Variants in FILIP1 observed in about 807,000 individuals in gnomAD.
The protein encoded by FILIP1 is filamin A interacting protein 1, also known as filamin-A-interacting protein 1.
A neutral mutation model predicts 102.1 loss-of-function variants in FILIP1; 61 were observed. The ratio of observed to expected loss-of-function variants is 0.60; its 90% CI spans 0.49 to 0.74. The LOEUF (loss-of-function observed/expected upper bound fraction) is 0.74, where lower values mean the gene tolerates loss of function less well. Among genes scored for constraint, FILIP1 ranks in the 30% least tolerant of loss-of-function variants. The pLI is 0.00. For missense variants in FILIP1, 1,314 were observed against 1,441.2 expected, an observed-to-expected ratio of 0.91 and a Z score of 1.43; for synonymous variants, 491 against 526.9, an observed-to-expected ratio of 0.93 and a Z score of 0.93.
At chr6:75,356,291 C>T (rs1167086791) in intron 3 of FILIP1, among the ~76,000 whole-genome samples, 1 of 152,024 alleles carries the variant, frequency 6.6e-6, no homozygotes, top group African/African-American at 2.4e-5. Context: ...ATTCCTGGGG[C>T]CCAAAATAAA....
rs141094145 is a variant in FILIP1, at chr6:75,434,390, G to A, written c.-6-19412C>T. ...TGAGCACTGGTTTGTAGTTCTCCTCGAAGAGGTCCTTCACATCCCTTGTAA... is the reference window on the plus strand; with the variant it reads ...TGAGCACTGGTTTGTAGTTCTCCTCAAAGAGGTCCTTCACATCCCTTGTAA... On this transcript the variant is annotated intron_variant, in intron 1 of 5. Transcript: ENST00000237172. Among the ~76,000 whole-genome samples the A allele has an allele frequency of 8.3e-3, 1,259 of 152,198 alleles. 21 individuals are homozygous for A. Among genetic ancestry groups the A allele is most frequent in the African/African-American group, 0.028 (1,178 of 41,522 alleles).
At chr6:75,389,430 T>A (rs971429495) in intron 2 of FILIP1, among the ~76,000 whole-genome samples, 1 of 152,176 alleles carries the variant, frequency 6.6e-6, no homozygotes, top group Non-Finnish European at 1.5e-5. Context: ...TTGATTGGAA[T>A]GGTTTCAGAA....
rs1183362639 is a variant in FILIP1 at position 75,361,570 on chromosome 6, T to C, written c.450+1174A>G. ...TAAGGGTATGAGCAGTTATCATTTTTGAATCCCAGCAAATTCTAATAACTA... is the reference window on the plus strand; with the variant it reads ...TAAGGGTATGAGCAGTTATCATTTTCGAATCCCAGCAAATTCTAATAACTA... On this transcript the variant is annotated intron_variant, in intron 3 of 5. Coordinates refer to ENST00000237172, the MANE Select transcript of FILIP1 (RefSeq NM_015687.5). Among the ~76,000 whole-genome samples the C allele has an allele frequency of 5.9e-5, 9 of 152,364 alleles. No individual in the cohort carries two copies. In the East Asian group the frequency reaches 1.7e-3, roughly 29 times the overall value.
intron 4 of FILIP1, among the ~76,000 whole-genome samples, chr6:75,323,842 C>G (rs545798303): frequency 2.4e-5 from 2 of 82,552 alleles, no homozygotes; most frequent in East Asian, 2.5e-4. Flanking sequence ...TGGTTCCCCC[C>G]ACGCTGTTAT....
intron 2 of FILIP1, chr6:75,398,057 A>C (rs1036065561): frequency 2.6e-5 from 4 of 152,200 alleles, no homozygotes; most frequent in African/African-American, 9.6e-5. Context: ...GTTGAAGCAC[A>C]AGACTATATC....
chr6:75,292,007 G>T (rs1026489564), exon 7 of FILIP1: 4 of 152,040 alleles, frequency 2.6e-5, no homozygotes, highest in Non-Finnish European at 5.9e-5. Context: ...TGTTTTCATT[G>T]GTTAAATAAT....
At chr6:75,474,978 C>G (rs1468444223) in intron 1 of FILIP1, among the ~76,000 whole-genome samples, 2 of 152,046 alleles carry the variant, frequency 1.3e-5, no homozygotes, top group Non-Finnish European at 2.9e-5. Flanking sequence ...CTTCACCTTC[C>G]GCCATGATTA....
chr6:75,414,947 T>C lies in FILIP1; in HGVS notation c.26A>G (p.Glu9Gly), dbSNP rs765472585. 138 of 1,613,740 alleles carry C rather than the reference T, an allele frequency of 8.6e-5. No homozygotes were observed. The highest frequency in any genetic ancestry group is 1.1e-4 in the Non-Finnish European group (130 of 1,179,746). ...GGAGATATGCCCATCAGATGCACTT[T>C]CACCACCTTGGTTTCGAGATCTCAT... is the stretch of plus-strand genomic sequence containing the variant. MRSRNQGG[E>G]SASDGHISCP... is the part of the protein sequence containing the mutation. The change falls in exon 2 of 6, where the codon GAA becomes GGA. Residue 9 changes from glutamate to glycine, a missense_variant. Transcript: ENST00000237172.
Position 75,467,709 on chromosome 6 carries a change from A to G in FILIP1, c.-7+25705T>C, listed in dbSNP as rs374444464. Among the ~76,000 whole-genome samples the G allele has an allele frequency of 2.1e-4, 32 of 152,348 alleles. No individual in the cohort carries two copies. The Middle Eastern group carries it at 0.01, about 49-fold the overall frequency. ...TTAATGCATATAGCTGGGAAACAGT[A>G]TCAAGCTTTGGAGGACCATATAAAC... On this transcript the variant is annotated intron_variant, in intron 1 of 5. Transcript: ENST00000237172.
In FILIP1 at chr6:75,296,475, T is replaced by TTTTTTATTA. The variant is rs565379089; in HGVS notation, c.3494-526_3494-525insTAATAAAAA. The TTTTTTATTA allele has an allele frequency of 1.8e-3, 251 of 140,390 alleles. 2 individuals carry two copies. Among genetic ancestry groups the TTTTTTATTA allele is most frequent in the African/African-American group, 6.0e-3 (227 of 37,980 alleles). 8.7% of individuals were successfully genotyped at this position (140,390 alleles called of 1,614,324 possible). A position where few individuals can be genotyped will look rare whatever the true frequency, so the allele number is the denominator to read the frequency against. On this transcript the variant is annotated intron_variant, in intron 6 of 6. Coordinates refer to the FILIP1 transcript ENST00000393004. ...GCGTCTTTTTGCATAACTCTATATG[T>TTTTTTATTA]TTATTATTATTATTATTATTATTAT...
chr6:75,324,490 A>G (rs1241697952), intron 4 of FILIP1, among the ~76,000 whole-genome samples: 2 of 152,180 alleles, frequency 1.3e-5, no homozygotes, highest in African/African-American at 4.8e-5. Context: ...GGTAGAATCA[A>G]TATTGTGAAA....
At chr6:75,447,036 T>G (rs1246615427) in intron 1 of FILIP1, among the ~76,000 whole-genome samples, 2 of 152,132 alleles carry the variant, frequency 1.3e-5, no homozygotes, top group African/African-American at 4.8e-5. Flanking sequence ...GGAGAAAATT[T>G]GCCTCCAAAA....
At position 75,313,452 on chromosome 6, in the gene FILIP1, T is replaced by C. The variant is rs145877579; in HGVS notation, c.2380A>G (p.Arg794Gly). The change falls in exon 5 of 6, where the codon AGA becomes GGA. Residue 794 changes from arginine (R) to glycine (G), a missense_variant. Physicochemically the swap from Arg to Gly is moderately radical, Grantham distance 125 (BLOSUM62 -2). Coordinates refer to ENST00000237172, the MANE Select transcript of FILIP1 (RefSeq NM_015687.5). The surrounding 1 kb of genome is among the most constrained non-coding windows in gnomAD (Gnocchi z 4.2). ...RALRPSVNGR[R>G]MVDVPVTSTG... ...GACGTCACAGGAACATCCACCATTC[T>C]TCTTCCATTCACACTGGGCCTAAGA... The C allele has an allele frequency of 3.7e-6, 6 of 1,614,116 alleles. No homozygotes were observed. The African/African-American group carries it at 8.0e-5, about 22-fold the overall frequency.
intron 6 of FILIP1, among the ~76,000 whole-genome samples, chr6:75,300,219 C>T (rs922165601): frequency 6.6e-6 from 1 of 152,132 alleles, no homozygotes; most frequent in Non-Finnish European, 1.5e-5. Flanking sequence ...ACCAGAAATT[C>T]AACTTATAAC....
At chr6:75,327,041 T>C (rs950910238) in intron 4 of FILIP1, among the ~76,000 whole-genome samples, 4 of 152,130 alleles carry the variant, frequency 2.6e-5, no homozygotes, top group Non-Finnish European at 5.9e-5. Context: ...AGCGTGGACA[T>C]TGTCATTCAA....
chr6:75,388,120 C>T (rs1469487092), intron 2 of FILIP1, among the ~76,000 whole-genome samples: 2 of 152,194 alleles, frequency 1.3e-5, no homozygotes, highest in Non-Finnish European at 2.9e-5. Context: ...GTTTTCCCAA[C>T]ACCATTTATT....
intron 2 of FILIP1, among the ~76,000 whole-genome samples, chr6:75,369,079 T>G (rs1348567882): frequency 6.6e-6 from 1 of 152,214 alleles, no homozygotes; most frequent in East Asian, 1.9e-4. Context: ...CTCAAGGTTC[T>G]TGGCAGGGTT....
At position 75,436,445 on chromosome 6, in the gene FILIP1, G is replaced by A. The variant is rs568147764; in HGVS notation, c.-6-21467C>T. Among the ~76,000 whole-genome samples the A allele has an allele frequency of 9.9e-5, 15 of 152,264 alleles. No individual in the cohort carries two copies. In the South Asian group the frequency reaches 3.1e-3, roughly 32 times the overall value. On this transcript the variant is annotated intron_variant, in intron 1 of 5. Transcript: ENST00000237172. ...ATGCACCAAAGTTGGAAGCAGAATG[G>A]CTTCTAAGTTCCTTCTAGGAACAGG... is the stretch of plus-strand genomic sequence containing the variant.
chr6:75,484,944 T>C (rs1169157307), intron 1 of FILIP1, among the ~76,000 whole-genome samples: 1 of 152,186 alleles, frequency 6.6e-6, no homozygotes, highest in Non-Finnish European at 1.5e-5. Flanking sequence ...AAATTATCGC[T>C]GTTGTGTACC....
Sources: allele counts gnomAD v4.1 joint callset (sites outside exome capture counted in the v4.1 genomes callset), GRCh38; gene constraint gnomAD v4.1.1; non-coding constraint Gnocchi (gnomAD v3.1); transcripts MANE v1.5; gene names NCBI Gene and HGNC (gene_info 2026-07-23, HGNC 2026-07-21).